KMT2A: variants seen among roughly 807,000 people sequenced by gnomAD.
KMT2A encodes lysine methyltransferase 2A, also known as histone-lysine N-methyltransferase 2A.
A neutral mutation model predicts 345.3 loss-of-function variants in KMT2A; 16 were observed. The ratio of observed to expected loss-of-function variants is 0.05; its 90% CI spans 0.03 to 0.07. KMT2A has a LOEUF of 0.07. KMT2A is among the 10% of genes least tolerant of loss of function. The pLI is 1.00. For synonymous variants in KMT2A, 1,599 were observed against 1,778.6 expected (o/e 0.90, Z 2.54); for missense variants, 3,272 against 4,841.6 (o/e 0.68, Z 9.62).
chr11:118,461,165 T>C (rs186258245), intron 1 of KMT2A, among the ~76,000 whole-genome samples: 73 of 152,348 alleles, frequency 4.8e-4, no homozygotes, highest in Admixed American at 4.8e-3. Flanking sequence ...GAAATATTCC[T>C]ATTGCTTCGT....
At chr11:118,509,043 T>C (rs1950638090) in intron 28 of KMT2A, 93 bp from the exon 29 acceptor site, 2 of 1,056,896 alleles carry the variant, frequency 1.9e-6, no homozygotes, top group Non-Finnish European at 2.8e-6. Context: ...CTAGCAGTTA[T>C]TTTGTATACC....
In KMT2A at chr11:118,473,522, C is replaced by T. The variant is rs372232178; in HGVS notation, c.2363C>T (p.Ala788Val). The T allele has an allele frequency of 4.3e-6, 7 of 1,614,150 alleles. No individual in the cohort carries two copies. The highest frequency in any genetic ancestry group is 5.9e-6 in the Non-Finnish European group (7 of 1,180,030). Residue 788 changes from alanine (A) to valine (V), a missense_variant, in exon 3 of 36, where the codon GCC becomes GTC. Physicochemically the swap from Ala to Val is moderately conservative, Grantham distance 64 (BLOSUM62 0). Coordinates refer to ENST00000534358, the MANE Select transcript of KMT2A (RefSeq NM_001197104.2). This position sits in a 1 kb window ranked among gnomAD's most constrained non-coding sequence, Gnocchi z 5.2. ...TTAAGCATTTCTGTTAGTCCTCTTG[C>T]CACTAGTGCCTTAAACCCAACTTTT... is the stretch of plus-strand genomic sequence containing the variant. ...SSLSISVSPL[A>V]TSALNPTFTF...
intron 1 of KMT2A, among the ~76,000 whole-genome samples, chr11:118,437,649 C>T (rs1591333754): frequency 1.4e-5 from 2 of 146,110 alleles, no homozygotes; most frequent in East Asian, 4.3e-4. Flanking sequence ...CTGAAGATAA[C>T]GGTGATTCCT....
Position 118,502,965 on chromosome 11 carries a change from C to T in KMT2A, c.7073C>T (p.Ser2358Phe), listed in dbSNP as rs2134388112. 6.2e-7 allele frequency: 1 copy of T among 1,614,142 alleles called. No homozygotes were observed. Among genetic ancestry groups the T allele is most frequent in the South Asian group, 1.1e-5 (1 of 91,078 alleles). ...VSKIGSFAEPSSVSFSSKEAL... is the reference protein window; with the variant it reads ...VSKIGSFAEPFSVSFSSKEAL... ...AAAATCGGCTCCTTTGCTGAACCCT[C>T]TTCAGTGTCGTTTTCTTCTAAAGAG... Residue 2358 changes from serine to phenylalanine, a missense_variant, in exon 27 of 36, where the codon TCT becomes TTT. This residue lies in a region of KMT2A where 445 missense variants were observed against 500.9 expected (regional missense o/e 0.89). Transcript: ENST00000534358. This position sits in a 1 kb window ranked among gnomAD's most constrained non-coding sequence, Gnocchi z 4.9.
At chr11:118,482,935 A>G (rs1950162031) in intron 8 of KMT2A, among the ~76,000 whole-genome samples, 1 of 152,044 alleles carries the variant, frequency 6.6e-6, no homozygotes, top group South Asian at 2.1e-4. Context: ...ACTGTCTCCA[A>G]AAAAAATTTA....
At chr11:118,469,129 T>C (rs1949900816) in intron 2 of KMT2A, among the ~76,000 whole-genome samples, 1 of 150,464 alleles carries the variant, frequency 6.6e-6, no homozygotes, top group African/African-American at 2.5e-5. Flanking sequence ...CTCCCAATGC[T>C]ATCCCTCCCC....
chr11:118,483,355 AC>A (rs1390277089), intron 8 of KMT2A, among the ~76,000 whole-genome samples: 1 of 142,970 alleles, frequency 7.0e-6, no homozygotes, highest in Non-Finnish European at 1.5e-5. Context: ...ACACGGTGAA[AC>A]CCTGTCTCTA....
At chr11:118,452,937 GC>G (rs1949570548) in intron 1 of KMT2A, among the ~76,000 whole-genome samples, 1 of 152,038 alleles carries the variant, frequency 6.6e-6, no homozygotes, top group South Asian at 2.1e-4. Context: ...TGGCGGAAGT[GC>G]CCCCTTCTAT....
chr11:118,468,911 CCTT>C, intron 2 of KMT2A, 67 bp downstream of exon 2: 1 of 1,256,908 alleles, frequency 8.0e-7, no homozygotes, highest in Non-Finnish European at 1.2e-6. Context: ...CTTCCTCTTG[CCTT>C]CTTTACATGT....
intron 1 of KMT2A, 82 bp downstream of exon 1, chr11:118,437,026 C>A: frequency 7.5e-7 from 1 of 1,330,382 alleles, no homozygotes; most frequent in Non-Finnish European, 9.7e-7. Context: ...GATTGAGGAG[C>A]ATCCCAATTC....
In KMT2A at chr11:118,503,112, T is replaced by G. The variant is rs782472770; in HGVS notation, c.7220T>G (p.Leu2407Arg). ...DEDTEVKTLKLSGMSNRSSII... is the reference protein window; with the variant it reads ...DEDTEVKTLKRSGMSNRSSII... ...GATACTGAAGTCAAAACCTTGAAGC[T>G]ATCTGGAATGAGCAACAGATCATCC... is the stretch of plus-strand genomic sequence containing the variant. Residue 2407 changes from leucine (L) to arginine (R), a missense_variant, in exon 27 of 36, where the codon CTA becomes CGA. This residue lies in a region of KMT2A where 445 missense variants were observed against 500.9 expected (regional missense o/e 0.89). Coordinates refer to ENST00000534358, the MANE Select transcript of KMT2A (RefSeq NM_001197104.2). The surrounding 1 kb of genome is among the most constrained non-coding windows in gnomAD (Gnocchi z 5.3). The G allele has an allele frequency of 9.9e-6, 16 of 1,613,504 alleles. No homozygotes were observed. In the South Asian group the frequency reaches 1.6e-4, roughly 17 times the overall value.
chr11:118,482,955 A>T (rs1207091677), intron 8 of KMT2A, among the ~76,000 whole-genome samples: 1 of 152,080 alleles, frequency 6.6e-6, no homozygotes, highest in Non-Finnish European at 1.5e-5. Context: ...AGGCTTGGCA[A>T]GGCGCAGCGG....
At chr11:118,465,789 G>A (rs1565274245) in intron 1 of KMT2A, among the ~76,000 whole-genome samples, 1 of 152,056 alleles carries the variant, frequency 6.6e-6, no homozygotes, top group South Asian at 2.1e-4. Flanking sequence ...ATATTTTAGG[G>A]TTACTATTTT....
intron 1 of KMT2A, among the ~76,000 whole-genome samples, chr11:118,442,980 G>C (rs994985325): frequency 7.2e-5 from 11 of 152,134 alleles, no homozygotes. Context: ...CAGACAAAGG[G>C]CTATTTTTGT....
intron 1 of KMT2A, among the ~76,000 whole-genome samples, chr11:118,454,895 G>A (rs1254980931): frequency 1.3e-5 from 2 of 150,606 alleles, no homozygotes; most frequent in Admixed American, 6.6e-5. Flanking sequence ...GGCCAAATTC[G>A]GCCTGTGGCC....
At position 118,476,882 on chromosome 11, in the gene KMT2A, C is replaced by T. The variant is rs553998740; in HGVS notation, c.3234C>T (p.Ala1078=). 1.2e-6 allele frequency: 2 copies of T among 1,614,140 alleles called. No homozygotes were observed. The highest frequency in any genetic ancestry group is 1.7e-5 in the Admixed American group (1 of 60,010). Residue 1078 remains alanine, a synonymous_variant, in exon 4 of 36, where the codon GCC becomes GCT. Transcript: ENST00000534358. The surrounding 1 kb of genome is among the most constrained non-coding windows in gnomAD (Gnocchi z 4.1). ...IKHVCRRAAV[A]LGRKRAVFPD... ...ATGTCTGCAGAAGAGCAGCTGTTGC[C>T]CTTGGCCGAAAACGAGCTGTGTTTC... is the stretch of plus-strand genomic sequence containing the variant.
At chr11:118,475,457 C>T (rs1555037303) in intron 3 of KMT2A, among the ~76,000 whole-genome samples, 1 of 152,190 alleles carries the variant, frequency 6.6e-6, no homozygotes, top group Non-Finnish European at 1.5e-5. Context: ...GGTACGGTGG[C>T]TTACGCCTGT....
intron 1 of KMT2A, among the ~76,000 whole-genome samples, chr11:118,445,909 C>T (rs939942974): frequency 2.6e-5 from 4 of 151,896 alleles, no homozygotes; most frequent in African/African-American, 7.3e-5. Context: ...GAGGCTGAGG[C>T]AGGAGAATCG....
chr11:118,506,972 T>C lies in KMT2A; in HGVS notation c.10754+326T>C, dbSNP rs9332847. 1.2e-3 allele frequency among the ~76,000 whole-genome samples: 177 copies of C among 152,352 alleles called. 1 individual carries two copies. Among genetic ancestry groups the C allele is most frequent in the Admixed American group, 9.1e-3 (139 of 15,306 alleles). On this transcript the variant is annotated intron_variant, in intron 27 of 35. Coordinates refer to ENST00000534358, the MANE Select transcript of KMT2A (RefSeq NM_001197104.2). ...CTTATCTTGAGGGCAAAGCTCCCTC[T>C]TGTAGATCCACAGAGTCCTTTTTTT... is the stretch of plus-strand genomic sequence containing the variant.
Sources: allele counts gnomAD v4.1 joint callset (sites outside exome capture counted in the v4.1 genomes callset), GRCh38; gene constraint gnomAD v4.1.1; regional missense constraint gnomAD v4.1.1; non-coding constraint Gnocchi (gnomAD v3.1); transcripts MANE v1.5; gene names NCBI Gene and HGNC (gene_info 2026-07-23, HGNC 2026-07-21).